GLIS3: variants seen among roughly 807,000 people sequenced by gnomAD.
GLIS3 encodes the protein GLIS family zinc finger 3, also known as zinc finger protein GLIS3.
A neutral mutation model predicts 78.6 loss-of-function variants in GLIS3; 53 were observed. The ratio of observed to expected loss-of-function variants is 0.67; its 90% confidence interval spans 0.54 to 0.85. The LOEUF is 0.85. Ranked by LOEUF, GLIS3 falls within the 40% of genes least tolerant of loss-of-function variation. GLIS3 has a pLI of 0.00. For synonymous variants in GLIS3, 684 were observed against 509.9 expected (o/e 1.34, Z -4.60); for missense variants, 1,703 against 1,231.1 (o/e 1.38, Z -5.74).
At position 4,118,146 on chromosome 9, in the gene GLIS3, G is replaced by A. The variant is rs754101625; in HGVS notation, c.1332C>T (p.Pro444=). 4.2e-5 allele frequency: 66 copies of A among 1,555,274 alleles called. No homozygotes were observed. The highest frequency in any genetic ancestry group is 2.6e-6 in the Non-Finnish European group (3 of 1,150,144). ...GCAGAGGAGGGAGCGGAGGCGCGGG[G>A]GGTAGGTCTACGGTGCTGCCCGGGA... ...EEFPGSTVDL[P]PAPPLPPLPP... The change falls in exon 4 of 11, where the codon CCC becomes CCT. Residue 444 remains proline, a synonymous_variant. Transcript: ENST00000381971. The surrounding 1 kb of genome is among the most constrained non-coding windows in gnomAD (Gnocchi z 4.7).
intron 9 of GLIS3, among the ~76,000 whole-genome samples, chr9:3,839,181 T>C (rs1245038819): frequency 6.6e-6 from 1 of 152,226 alleles, no homozygotes; most frequent in South Asian, 2.1e-4. Flanking sequence ...AGAGGAAATG[T>C]TGAGTGCCTT....
intron 3 of GLIS3, among the ~76,000 whole-genome samples, chr9:4,122,919 G>A (rs569253461): frequency 1.3e-5 from 2 of 152,250 alleles, no homozygotes; most frequent in East Asian, 3.9e-4. Flanking sequence ...TCTTCAAGAC[G>A]GTAAGGTATA....
chr9:4,399,876 G>C, the GLIS3 span, among the ~76,000 whole-genome samples: 2 of 152,170 alleles, frequency 1.3e-5, no homozygotes, highest in Admixed American at 1.3e-4. Flanking sequence ...AAGATGGAGG[G>C]AAAAATATTT....
In GLIS3 at chr9:4,143,367, G is replaced by C. The variant is rs1437163872; in HGVS notation, c.389-17426C>G. ...AGATCACCCGAGGTCAGGAGTTCGA[G>C]ACCAGCCTGTCCAACATGATGAAAC... On this transcript the variant is annotated intron_variant, in intron 2 of 10. Transcript: ENST00000381971. Among the ~76,000 whole-genome samples, 3 of 152,004 alleles carry C rather than the reference G, an allele frequency of 2.0e-5. No homozygotes were observed. In the East Asian group the frequency reaches 5.8e-4, roughly 29 times the overall value.
At chr9:4,152,217 T>C in intron 2 of GLIS3, 1 of 621,830 alleles carries the variant, frequency 1.6e-6, no homozygotes, top group African/African-American at 2.0e-5. Flanking sequence ...AAGGAAGAAC[T>C]TTCTAGAAAT....
chr9:4,241,050 A>G (rs1823259825), intron 2 of GLIS3, among the ~76,000 whole-genome samples: 1 of 152,144 alleles, frequency 6.6e-6, no homozygotes, highest in African/African-American at 2.4e-5. Context: ...CTTTCAAAAT[A>G]CTGATTGCAA....
chr9:4,249,325 A>G (rs1042443510), intron 2 of GLIS3, among the ~76,000 whole-genome samples: 15 of 152,150 alleles, frequency 9.9e-5, no homozygotes, highest in African/African-American at 3.1e-4. Context: ...TTCTCTTTGA[A>G]GAGATCCTTC....
At chr9:3,933,172 G>C (rs906326243) in intron 5 of GLIS3, among the ~76,000 whole-genome samples, 8 of 151,106 alleles carry the variant, frequency 5.3e-5, no homozygotes, top group Non-Finnish European at 7.4e-5. Flanking sequence ...TTAAGGCTGA[G>C]TCTAGCCTCT....
intron 2 of GLIS3, among the ~76,000 whole-genome samples, chr9:4,326,668 C>T (rs1039439318): frequency 6.6e-6 from 1 of 151,520 alleles, no homozygotes; most frequent in African/African-American, 2.4e-5. Flanking sequence ...AAACTACACA[C>T]CAAAAAGTAG....
intron 4 of GLIS3, among the ~76,000 whole-genome samples, chr9:3,969,029 A>G (rs1157387431): frequency 6.6e-6 from 1 of 152,184 alleles, no homozygotes; most frequent in Non-Finnish European, 1.5e-5. Flanking sequence ...CACAGAAGCA[A>G]TTGTCAGGAC....
chr9:4,273,620 T>C (rs977317714), intron 2 of GLIS3, among the ~76,000 whole-genome samples: 16 of 149,000 alleles, frequency 1.1e-4, no homozygotes, highest in African/African-American at 3.4e-4. Flanking sequence ...AATAAATAAA[T>C]AAATAAATAA....
the GLIS3 span, among the ~76,000 whole-genome samples, chr9:4,398,004 G>C: frequency 6.6e-6 from 1 of 152,016 alleles, no homozygotes; most frequent in Non-Finnish European, 1.5e-5. Context: ...CTCAAACTCA[G>C]ATGCCCCTCT....
the GLIS3 span, among the ~76,000 whole-genome samples, chr9:4,489,778 C>T: frequency 6.6e-6 from 1 of 152,184 alleles, no homozygotes; most frequent in African/African-American, 2.4e-5. Flanking sequence ...CAGAGCAAGT[C>T]CCAAGGAGCA....
At chr9:4,155,469 T>A (rs891273298) in intron 2 of GLIS3, among the ~76,000 whole-genome samples, 1 of 152,238 alleles carries the variant, frequency 6.6e-6, no homozygotes, top group African/African-American at 2.4e-5. Flanking sequence ...ACTTTTCTCT[T>A]ACCCTTTTCA....
chr9:4,073,317 C>T (rs1827773374), intron 4 of GLIS3, among the ~76,000 whole-genome samples: 1 of 152,218 alleles, frequency 6.6e-6, no homozygotes, highest in African/African-American at 2.4e-5. Flanking sequence ...ACAATCAAAT[C>T]ACCTGGGGAT....
the GLIS3 span, among the ~76,000 whole-genome samples, chr9:4,459,115 G>T: frequency 6.6e-6 from 1 of 152,326 alleles, no homozygotes; most frequent in East Asian, 1.9e-4. Context: ...CCATGTGTAG[G>T]GGGCAAGAGT....
the GLIS3 span, among the ~76,000 whole-genome samples, chr9:4,374,971 G>C: frequency 6.6e-6 from 1 of 150,482 alleles, no homozygotes; most frequent in Non-Finnish European, 1.5e-5. Context: ...ATTTGCAACA[G>C]TTTGCCGCTA....
chr9:3,872,028 C>G (rs1447442935), intron 8 of GLIS3, among the ~76,000 whole-genome samples: 1 of 152,140 alleles, frequency 6.6e-6, no homozygotes, highest in Non-Finnish European at 1.5e-5. Context: ...TGCTAGATAC[C>G]CTAAATCAGC....
intron 4 of GLIS3, among the ~76,000 whole-genome samples, chr9:4,093,338 C>G (rs1217361978): frequency 6.6e-6 from 1 of 152,116 alleles, no homozygotes; most frequent in African/African-American, 2.4e-5. Flanking sequence ...CACTTTGCCC[C>G]CAGTGTTTGC....
Sources: allele counts gnomAD v4.1 joint callset (sites outside exome capture counted in the v4.1 genomes callset), GRCh38; gene constraint gnomAD v4.1.1; non-coding constraint Gnocchi (gnomAD v3.1); transcripts MANE v1.5; gene names NCBI Gene and HGNC (gene_info 2026-07-23, HGNC 2026-07-21).